Variants in EBF1 observed in about 807,000 individuals in gnomAD.
The protein encoded by EBF1 is transcription factor COE1.
Under a neutral mutation model 68.4 loss-of-function variants are expected in EBF1, and 10 were observed. That is an observed-to-expected ratio of 0.15 (90% CI 0.09 to 0.25). EBF1 has a LOEUF of 0.25. Among genes scored for constraint, EBF1 ranks in the 10% least tolerant of loss-of-function variants. The pLI is 1.00. For synonymous variants in EBF1, 298 were observed against 299.8 expected (o/e 0.99, Z 0.06); for missense variants, 509 against 794.4 (o/e 0.64, Z 4.32).
At chr5:159,084,516 A>G (rs1455310821) in intron 5 of EBF1, 150 bp downstream of exon 5, 4 of 523,692 alleles carry the variant, frequency 7.6e-6, no homozygotes, top group Non-Finnish European at 9.3e-6. Context: ...ACTACCAAAT[A>G]CTCACATCTA....
At chr5:159,075,646 C>T (rs1778629131) in intron 5 of EBF1, among the ~76,000 whole-genome samples, 1 of 152,176 alleles carries the variant, frequency 6.6e-6, no homozygotes, top group Admixed American at 6.5e-5. Flanking sequence ...TCTGTCTCCA[C>T]TCTGACCCCC....
At chr5:158,810,005 C>A (rs1215365371) in intron 8 of EBF1, among the ~76,000 whole-genome samples, 2 of 152,136 alleles carry the variant, frequency 1.3e-5, no homozygotes, top group South Asian at 2.1e-4. Context: ...ATTCCACAGG[C>A]CTTTAGCTAA....
At chr5:159,030,584 G>A (rs1768588118) in intron 6 of EBF1, among the ~76,000 whole-genome samples, 1 of 152,164 alleles carries the variant, frequency 6.6e-6, no homozygotes, top group Non-Finnish European at 1.5e-5. Flanking sequence ...CTGAGCGGAG[G>A]GCCAGGTGGG....
At chr5:158,721,668 C>T (rs114443850) in intron 11 of EBF1, among the ~76,000 whole-genome samples, 61 of 152,186 alleles carry the variant, frequency 4.0e-4, no homozygotes, top group African/African-American at 1.3e-3. Flanking sequence ...GCTGTTGGTT[C>T]GATCGTGTGA....
chr5:158,806,279 G>A (rs971903387), intron 8 of EBF1, among the ~76,000 whole-genome samples: 1 of 152,068 alleles, frequency 6.6e-6, no homozygotes, highest in African/African-American at 2.4e-5. Context: ...AGGTGCGAAC[G>A]AAAGAAAAAG....
At chr5:158,834,989 C>G (rs1788431423) in intron 7 of EBF1, among the ~76,000 whole-genome samples, 1 of 152,170 alleles carries the variant, frequency 6.6e-6, no homozygotes. Flanking sequence ...AGGAGGAGAC[C>G]AGAGTTTTTT....
At chr5:158,842,155 G>C (rs551487278) in intron 6 of EBF1, among the ~76,000 whole-genome samples, 1 of 152,292 alleles carries the variant, frequency 6.6e-6, no homozygotes, top group Non-Finnish European at 1.5e-5. Context: ...TGACAGATTT[G>C]GTAAAGGAAG....
At chr5:158,784,952 T>C (rs1026113248) in intron 9 of EBF1, among the ~76,000 whole-genome samples, 8 of 152,210 alleles carry the variant, frequency 5.3e-5, no homozygotes, top group African/African-American at 1.9e-4. Context: ...GTGGAGGTGC[T>C]GATAATAATA....
intron 10 of EBF1, among the ~76,000 whole-genome samples, chr5:158,731,421 A>G (rs539657616): frequency 1.3e-5 from 2 of 152,342 alleles, no homozygotes; most frequent in South Asian, 4.1e-4. Context: ...CACTCCTTAC[A>G]TGATCATAAA....
chr5:158,961,187 G>A (rs1818121415), intron 6 of EBF1, among the ~76,000 whole-genome samples: 1 of 152,188 alleles, frequency 6.6e-6, no homozygotes, highest in African/African-American at 2.4e-5. Flanking sequence ...GGACGCCAGT[G>A]AACTGCACTG....
chr5:158,719,546 A>G (rs1168882382), intron 11 of EBF1, among the ~76,000 whole-genome samples: 1 of 152,164 alleles, frequency 6.6e-6, no homozygotes, highest in African/African-American at 2.4e-5. Context: ...TGAAATCTAT[A>G]GCTAATAAGC....
chr5:158,847,192 T>C (rs1791693641), intron 6 of EBF1, among the ~76,000 whole-genome samples: 1 of 152,194 alleles, frequency 6.6e-6, no homozygotes, highest in African/African-American at 2.4e-5. Context: ...GCTCAGAGTA[T>C]GCCCTTGAGG....
intron 2 of EBF1, chr5:159,096,658 G>A (rs530480600): frequency 3.3e-6 from 2 of 606,662 alleles, no homozygotes; most frequent in Non-Finnish European, 5.8e-6. Flanking sequence ...CTAGGGGCTC[G>A]TGCCCCGGCC....
At chr5:158,834,898 T>C (rs1582373449) in intron 7 of EBF1, among the ~76,000 whole-genome samples, 1 of 152,216 alleles carries the variant, frequency 6.6e-6, no homozygotes, top group East Asian at 1.9e-4. Context: ...CCCTGCTTAG[T>C]AGGCAAGAGA....
chr5:158,819,318 A>G (rs1784367087), intron 8 of EBF1, among the ~76,000 whole-genome samples: 1 of 152,204 alleles, frequency 6.6e-6, no homozygotes. Flanking sequence ...CCGGCATTCT[A>G]TGTCAGAATG....
At chr5:158,731,956 A>C (rs966001389) in intron 10 of EBF1, among the ~76,000 whole-genome samples, 1 of 152,162 alleles carries the variant, frequency 6.6e-6, no homozygotes, top group African/African-American at 2.4e-5. Context: ...ATTAAACACA[A>C]TATTAAGTGG....
chr5:158,790,497 T>C (rs1778382093), intron 9 of EBF1, among the ~76,000 whole-genome samples: 1 of 145,974 alleles, frequency 6.9e-6, no homozygotes, highest in Non-Finnish European at 1.5e-5. Flanking sequence ...AGGTGATCCT[T>C]GGGGAAAAAA....
At chr5:158,801,898 G>A (rs1486931448) in intron 8 of EBF1, among the ~76,000 whole-genome samples, 1 of 152,136 alleles carries the variant, frequency 6.6e-6, no homozygotes, top group Non-Finnish European at 1.5e-5. Context: ...TCAAGTGCCT[G>A]CACACTCGCA....
At chr5:158,883,612 C>T (rs1432376042) in intron 6 of EBF1, among the ~76,000 whole-genome samples, 1 of 152,044 alleles carries the variant, frequency 6.6e-6, no homozygotes, top group Non-Finnish European at 1.5e-5. Flanking sequence ...GAGGATATTA[C>T]AAACATTACC....
Sources: allele counts gnomAD v4.1 joint callset (sites outside exome capture counted in the v4.1 genomes callset), GRCh38; gene constraint gnomAD v4.1.1; transcripts MANE v1.5; gene names NCBI Gene and HGNC (gene_info 2026-07-23, HGNC 2026-07-21).